UBA2: variants seen among roughly 807,000 people sequenced by gnomAD.
The protein encoded by UBA2 is SUMO-activating enzyme subunit 2.
A neutral mutation model predicts 77.2 loss-of-function variants in UBA2; 11 were observed. The ratio of observed to expected loss-of-function variants is 0.14; its 90% CI spans 0.09 to 0.24. UBA2 has a LOEUF of 0.24. Among genes scored for constraint, UBA2 ranks in the 10% least tolerant of loss-of-function variants. The pLI is 1.00. For missense variants in UBA2, 487 were observed against 781.7 expected, an observed-to-expected ratio of 0.62 and a Z score of 4.50; for synonymous variants, 278 against 276.7, an observed-to-expected ratio of 1.00 and a Z score of -0.05.
chr19:34,447,165 A>G (rs1260917098), intron 8 of UBA2, among the ~76,000 whole-genome samples: 1 of 152,158 alleles, frequency 6.6e-6, no homozygotes, highest in African/African-American at 2.4e-5. Context: ...AGCATCCAAC[A>G]TGGGAGAAAG....
chr19:34,448,245 T>TG (rs1368138927), intron 8 of UBA2, among the ~76,000 whole-genome samples: 1 of 151,958 alleles, frequency 6.6e-6, no homozygotes, highest in East Asian at 1.9e-4. Flanking sequence ...CACTGGAACA[T>TG]GGAGGAGTAG....
At chr19:34,460,634 T>A in intron 14 of UBA2, 68 bp downstream of exon 14, 1 of 1,135,948 alleles carries the variant, frequency 8.8e-7, no homozygotes, top group South Asian at 1.5e-5. Context: ...CATTAGTTGA[T>A]TCATTTACTG....
chr19:34,455,266 C>T (rs984697970), intron 12 of UBA2, among the ~76,000 whole-genome samples: 5 of 152,138 alleles, frequency 3.3e-5, no homozygotes, highest in Non-Finnish European at 4.4e-5. Context: ...ATACTCCTCC[C>T]CCTCCACTAA....
rs1192731772 is a variant in UBA2 at position 34,452,073 on chromosome 19, T to C, written c.964T>C (p.Phe322Leu). 1 of 1,611,274 alleles carries C rather than the reference T, an allele frequency of 6.2e-7. No homozygotes were observed. The highest frequency in any genetic ancestry group is 1.7e-5 in the Admixed American group (1 of 59,940). ...VLDVKSYARL[F>L]SKSIETLRVH... The stretch of plus-strand genomic sequence containing the variant: ...AGATGTAAAGAGCTATGCACGTCTT[T>C]TTTCAAAGAGCATCGAGACTTTGAG... Residue 322 changes from phenylalanine (F) to leucine (L), a missense_variant, in exon 10 of 17, where the codon TTT becomes CTT. Phe to Leu is a conservative substitution (Grantham distance 22, BLOSUM62 0). Coordinates refer to ENST00000246548, the MANE Select transcript of UBA2 (RefSeq NM_005499.3).
intron 12 of UBA2, among the ~76,000 whole-genome samples, chr19:34,458,370 A>G (rs1052048815): frequency 1.4e-4 from 21 of 151,774 alleles, no homozygotes; most frequent in Admixed American, 1.2e-3. Context: ...CCTGGCTAAC[A>G]CGGTGAAACC....
intron 6 of UBA2, among the ~76,000 whole-genome samples, chr19:34,439,594 G>T (rs1374672077): frequency 6.6e-6 from 1 of 152,074 alleles, no homozygotes; most frequent in Non-Finnish European, 1.5e-5. Context: ...CTGTGGGAGG[G>T]TGAGATGGGA....
At chr19:34,432,618 C>T (rs2145489967) in intron 3 of UBA2, among the ~76,000 whole-genome samples, 1 of 152,200 alleles carries the variant, frequency 6.6e-6, no homozygotes, top group East Asian at 1.9e-4. Flanking sequence ...AGTACAGTGG[C>T]ATGATCTTGG....
intron 12 of UBA2, among the ~76,000 whole-genome samples, chr19:34,455,834 G>T (rs1483467095): frequency 6.6e-6 from 1 of 151,912 alleles, no homozygotes; most frequent in Non-Finnish European, 1.5e-5. Flanking sequence ...GTAGAGACGG[G>T]TTTCACTATG....
intron 12 of UBA2, among the ~76,000 whole-genome samples, chr19:34,458,499 T>C (rs2075594990): frequency 1.5e-5 from 2 of 129,380 alleles, no homozygotes; most frequent in African/African-American, 2.9e-5. Flanking sequence ...GGGCGGAGCC[T>C]GCAGTGAGCC....
intron 15 of UBA2, 26 bp downstream of exon 15, chr19:34,464,157 T>A: frequency 2.8e-6 from 4 of 1,418,164 alleles, no homozygotes; most frequent in Non-Finnish European, 4.0e-6. Flanking sequence ...ATTTTAATTG[T>A]AAGAAATTAT....
At chr19:34,430,547 T>C in intron 1 of UBA2, 29 bp from the exon 2 acceptor site, 1 of 1,563,006 alleles carries the variant, frequency 6.4e-7, no homozygotes, top group Non-Finnish European at 8.8e-7. Context: ...TAAACGTTTG[T>C]CATTTATCTG....
chr19:34,430,343 T>C (rs902250127), intron 1 of UBA2, among the ~76,000 whole-genome samples: 2 of 152,242 alleles, frequency 1.3e-5, no homozygotes, highest in African/African-American at 2.4e-5. Context: ...AAACAAAATA[T>C]ACCATTCTTT....
chr19:34,452,281 T>C (rs1378794191), intron 10 of UBA2, 134 bp downstream of exon 10: 1 of 808,652 alleles, frequency 1.2e-6, no homozygotes, highest in Non-Finnish European at 1.8e-6. Flanking sequence ...CTTGGATATT[T>C]TCAGCTCTAA....
At chr19:34,454,775 A>G (rs1031367400) in intron 12 of UBA2, among the ~76,000 whole-genome samples, 1 of 152,172 alleles carries the variant, frequency 6.6e-6, no homozygotes, top group African/African-American at 2.4e-5. Flanking sequence ...AACATTTCCA[A>G]TTTTACTGAA....
intron 9 of UBA2, among the ~76,000 whole-genome samples, chr19:34,451,608 C>T (rs779938078): frequency 1.1e-4 from 13 of 120,644 alleles, no homozygotes; most frequent in South Asian, 2.9e-4. Flanking sequence ...AGTGCAGTGG[C>T]GCGATCTTGG....
intron 1 of UBA2, among the ~76,000 whole-genome samples, chr19:34,430,357 A>C (rs561651327): frequency 1.3e-5 from 2 of 152,346 alleles, no homozygotes; most frequent in South Asian, 4.1e-4. Context: ...ATTCTTTCAA[A>C]GTATTTTTGA....
In UBA2 at chr19:34,444,354, C is replaced by T. The variant is rs868021101; in HGVS notation, c.649+443C>T. Among the ~76,000 whole-genome samples the T allele has an allele frequency of 2.0e-5, 3 of 151,846 alleles. No homozygotes were observed. The South Asian group carries it at 6.2e-4, about 32-fold the overall frequency. On this transcript the variant is annotated intron_variant, in intron 7 of 16. Coordinates refer to ENST00000246548, the MANE Select transcript of UBA2 (RefSeq NM_005499.3). Reference sequence around the variant, plus strand: ...ACAGGCGTAAGCAACCGTGCCTATCCAAAACAATGTTTTACAAAAAAAATA... The same window carrying T: ...ACAGGCGTAAGCAACCGTGCCTATCTAAAACAATGTTTTACAAAAAAAATA...
intron 8 of UBA2, among the ~76,000 whole-genome samples, chr19:34,445,460 A>G (rs557897068): frequency 2.6e-4 from 26 of 101,682 alleles, no homozygotes; most frequent in Middle Eastern, 0.024. Flanking sequence ...TTTTTTTGAG[A>G]TGGAGTCTCA....
chr19:34,452,636 A>T (rs2075513985), intron 10 of UBA2, among the ~76,000 whole-genome samples: 2 of 152,226 alleles, frequency 1.3e-5, no homozygotes, highest in South Asian at 2.1e-4. Context: ...AGTACTCTGC[A>T]GTTATGTCAT....
Sources: allele counts gnomAD v4.1 joint callset (sites outside exome capture counted in the v4.1 genomes callset), GRCh38; gene constraint gnomAD v4.1.1; transcripts MANE v1.5; gene names NCBI Gene and HGNC (gene_info 2026-07-23, HGNC 2026-07-21).